PAX7: variants seen among roughly 807,000 people sequenced by gnomAD.
The protein encoded by PAX7 is paired box 7.
In PAX7, 18 loss-of-function variants were observed where a neutral mutation model predicts 50.7. That is an observed-to-expected ratio of 0.36 (90% CI 0.25 to 0.53). The LOEUF is 0.53. Among genes scored for constraint, PAX7 ranks in the 20% least tolerant of loss-of-function variants. The pLI, the probability that PAX7 is intolerant of heterozygous loss-of-function variation, is 0.93. For synonymous variants in PAX7, 310 were observed against 290.4 expected, an observed-to-expected ratio of 1.07 and a Z score of -0.69; for missense variants, 644 against 702.9, an observed-to-expected ratio of 0.92 and a Z score of 0.95.
At chr1:18,686,896 A>T (rs60092015) in intron 4 of PAX7, among the ~76,000 whole-genome samples, 17,162 of 127,800 alleles carry the variant, frequency 0.13, 1,187 homozygotes, top group South Asian at 0.2. Flanking sequence ...TATTATTATT[A>T]TTATTATTTT....
intron 7 of PAX7, among the ~76,000 whole-genome samples, chr1:18,719,538 G>A (rs891182376): frequency 5.3e-5 from 8 of 152,226 alleles, no homozygotes; most frequent in Admixed American, 2.0e-4. Flanking sequence ...CAGCGGCATC[G>A]AAGGATTAAG....
chr1:18,694,251 C>T (rs1228530913), intron 5 of PAX7, among the ~76,000 whole-genome samples: 2 of 152,050 alleles, frequency 1.3e-5, no homozygotes, highest in Non-Finnish European at 2.9e-5. Context: ...CACCTGAGGT[C>T]GGGAGTTTGA....
Position 18,634,187 on chromosome 1 carries a change from T to C in PAX7, c.86-116T>C, listed in dbSNP as rs2088105926. ...CCAGTGTGAGGACCACCGGGATTGC[T>C]GTCTGAGGTCTTGGGGCTCAAACAA... On this transcript the variant is annotated intron_variant, in intron 1 of 8. Coordinates refer to ENST00000420770, the MANE Select transcript of PAX7 (RefSeq NM_001135254.2). This position sits in a 1 kb window ranked among gnomAD's most constrained non-coding sequence, Gnocchi z 4.0. 1 of 735,696 alleles carries C rather than the reference T, an allele frequency of 1.4e-6. No homozygotes were observed. The highest frequency in any genetic ancestry group is 2.3e-6 in the Non-Finnish European group (1 of 441,294). The allele number at this position is 735,696 out of a possible 1,614,324, so 45.6% of individuals were successfully genotyped here.
intron 4 of PAX7, among the ~76,000 whole-genome samples, chr1:18,656,982 AC>A (rs1183887916): frequency 6.6e-6 from 1 of 152,162 alleles, no homozygotes; most frequent in Non-Finnish European, 1.5e-5. Context: ...ACAGAGCAAA[AC>A]CCTGTCTCAA....
In PAX7 at chr1:18,691,697, G is replaced by A. The variant is rs984755078; in HGVS notation, c.587-57G>A. On this transcript the variant is annotated intron_variant, in intron 4 of 8. Coordinates refer to ENST00000420770, the MANE Select transcript of PAX7 (RefSeq NM_001135254.2). ...GCCTTGTGCTCTCCTCCCAGACCCC[G>A]GCACCCTTCCATCTCTCTAAGCCCC... 86 of 1,495,188 alleles carry A rather than the reference G, an allele frequency of 5.8e-5. No homozygotes were observed. The Admixed American group carries it at 1.0e-3, about 18-fold the overall frequency. 92.6% of individuals were successfully genotyped at this position (1,495,188 alleles called of 1,614,324 possible).
chr1:18,748,846 C>A lies in PAX7; in HGVS notation c.*3917C>A. The A allele has an allele frequency of 9.9e-6, 2 of 201,494 alleles. No individual in the cohort carries two copies. The highest frequency in any genetic ancestry group is 2.0e-5 in the Non-Finnish European group (2 of 97,904). The allele number at this position is 201,494 out of a possible 1,614,324, so 12.5% of individuals were successfully genotyped here. A position where few individuals can be genotyped will look rare whatever the true frequency, so the allele number is the denominator to read the frequency against. ...CTGTAACTCAGGCGTAACTGTTATA[C>A]ATTAAAAGAAATTAAAAGCATTTTG... On this transcript the variant is annotated 3_prime_UTR_variant, in exon 9 of 9. Transcript: ENST00000420770.
chr1:18,689,348 G>A (rs1306866429), intron 4 of PAX7, among the ~76,000 whole-genome samples: 1 of 152,202 alleles, frequency 6.6e-6, no homozygotes, highest in Non-Finnish European at 1.5e-5. Flanking sequence ...GCCCCAGGAT[G>A]GCAGCTGTGC....
chr1:18,664,474 A>T (rs1360319902), intron 4 of PAX7, among the ~76,000 whole-genome samples: 1 of 152,204 alleles, frequency 6.6e-6, no homozygotes, highest in African/African-American at 2.4e-5. Flanking sequence ...AGGGCGAGGC[A>T]GCCACACGAA....
rs376177552 is a variant in PAX7, at chr1:18,664,286, C to T, written c.587-27468C>T. Among the ~76,000 whole-genome samples, 6 of 152,354 alleles carry T rather than the reference C, an allele frequency of 3.9e-5. No individual in the cohort carries two copies. In the East Asian group the frequency reaches 5.8e-4, roughly 15 times the overall value. ...TTCCCTTTTGTTGGAAAGATGATCT[C>T]GTGCCTCTGAGGCGGTAGTGACCTC... On this transcript the variant is annotated intron_variant, in intron 4 of 8. Transcript: ENST00000420770.
At chr1:18,725,121 A>C (rs886366223) in intron 7 of PAX7, among the ~76,000 whole-genome samples, 1 of 152,202 alleles carries the variant, frequency 6.6e-6, no homozygotes, top group Admixed American at 6.5e-5. Flanking sequence ...CATTCCACTG[A>C]AGGGATTTTG....
At chr1:18,662,975 G>C (rs1262439708) in intron 4 of PAX7, among the ~76,000 whole-genome samples, 1 of 152,042 alleles carries the variant, frequency 6.6e-6, no homozygotes, top group Non-Finnish European at 1.5e-5. Context: ...GTCAGCCTCT[G>C]CTTCCTACTC....
In PAX7 at chr1:18,710,323, C is replaced by T. The variant is rs1177439379; in HGVS notation, c.1155+7027C>T. 4.6e-5 allele frequency among the ~76,000 whole-genome samples: 7 copies of T among 152,290 alleles called. No homozygotes were observed. The East Asian group carries it at 1.4e-3, about 29-fold the overall frequency. On this transcript the variant is annotated intron_variant, in intron 7 of 8. Coordinates refer to ENST00000420770, the MANE Select transcript of PAX7 (RefSeq NM_001135254.2). ...ACACGACCAAGACAGTCCTCTTGCCCTAGGGAACTGAGCAGTGCCACTCAC... is the reference window on the plus strand; with the variant it reads ...ACACGACCAAGACAGTCCTCTTGCCTTAGGGAACTGAGCAGTGCCACTCAC...
intron 4 of PAX7, among the ~76,000 whole-genome samples, chr1:18,668,188 A>T (rs567939460): frequency 3.3e-5 from 5 of 152,314 alleles, no homozygotes; most frequent in African/African-American, 1.2e-4. Flanking sequence ...GATTCCAAGG[A>T]GCAGCCCAGG....
chr1:18,694,014 A>G (rs1017903239), intron 5 of PAX7, among the ~76,000 whole-genome samples: 6 of 152,234 alleles, frequency 3.9e-5, no homozygotes, highest in Admixed American at 3.9e-4. Context: ...TTGACTTCCT[A>G]TCATACTCTG....
chr1:18,717,105 G>A (rs542612071), intron 7 of PAX7, among the ~76,000 whole-genome samples: 1 of 152,236 alleles, frequency 6.6e-6, no homozygotes, highest in East Asian at 1.9e-4. Context: ...TGGAAAATGC[G>A]GGGAGACAAA....
At chr1:18,729,661 C>T (rs2089620740) in intron 7 of PAX7, among the ~76,000 whole-genome samples, 1 of 152,108 alleles carries the variant, frequency 6.6e-6, no homozygotes, top group Non-Finnish European at 1.5e-5. Context: ...GTGGGCTGCC[C>T]TGTGCAGTGT....
Position 18,735,591 on chromosome 1 carries a change from T to A in PAX7, c.1156-41T>A. 1 of 1,578,542 alleles carries A rather than the reference T, an allele frequency of 6.3e-7. No homozygotes were observed. Among genetic ancestry groups the A allele is most frequent in the South Asian group, 1.2e-5 (1 of 85,502 alleles). ...GCCCAGTGTGCTCGTGTCTCTGGGG[T>A]CTGTCCGGTGAGCCTGGCACTAATG... On this transcript the variant is annotated intron_variant, in intron 7 of 8. Transcript: ENST00000420770. This position sits in a 1 kb window ranked among gnomAD's most constrained non-coding sequence, Gnocchi z 4.0.
Position 18,636,654 on chromosome 1 carries a change from G to C in PAX7, c.586+283G>C, listed in dbSNP as rs1261203688. On this transcript the variant is annotated intron_variant, in intron 4 of 8. Coordinates refer to ENST00000420770, the MANE Select transcript of PAX7 (RefSeq NM_001135254.2). The surrounding 1 kb of genome is among the most constrained non-coding windows in gnomAD (Gnocchi z 5.1). ...GGAGAGCCCGGCTGCGGGGCTGCGC[G>C]CCTGGTCTACCCCAATACTGCGGGG... is the stretch of plus-strand genomic sequence containing the variant. 3.9e-5 allele frequency among the ~76,000 whole-genome samples: 6 copies of C among 152,150 alleles called. No homozygotes were observed. Among genetic ancestry groups the C allele is most frequent in the Non-Finnish European group, 7.3e-5 (5 of 68,032 alleles).
chr1:18,640,547 G>A (rs1321442114), intron 4 of PAX7, among the ~76,000 whole-genome samples: 4 of 151,990 alleles, frequency 2.6e-5, no homozygotes, highest in African/African-American at 9.7e-5. Flanking sequence ...CATTTATCAC[G>A]AAACAATCTG....
Sources: allele counts gnomAD v4.1 joint callset (sites outside exome capture counted in the v4.1 genomes callset), GRCh38; gene constraint gnomAD v4.1.1; non-coding constraint Gnocchi (gnomAD v3.1); transcripts MANE v1.5; gene names NCBI Gene and HGNC (gene_info 2026-07-23, HGNC 2026-07-21).